Variants in DSCAM observed in about 807,000 individuals in gnomAD.
DSCAM encodes cell adhesion molecule DSCAM.
A neutral mutation model predicts 217.7 loss-of-function variants in DSCAM; 47 were observed. That is an observed-to-expected ratio of 0.22 (90% CI 0.17 to 0.28). DSCAM has a LOEUF of 0.28. DSCAM is among the 10% of genes least tolerant of loss of function. The pLI, the probability that DSCAM is intolerant of heterozygous loss-of-function variation, is 1.00. For missense variants in DSCAM, 2,080 were observed against 2,618.3 expected (o/e 0.79, Z 4.49); for synonymous variants, 1,056 against 1,015.3 (o/e 1.04, Z -0.76).
intron 11 of DSCAM, among the ~76,000 whole-genome samples, chr21:40,274,926 A>G (rs2073666795): frequency 6.6e-6 from 1 of 152,136 alleles, no homozygotes. Context: ...TACACACACA[A>G]ATACACACAC....
At chr21:40,787,761 C>T (rs140089830) in intron 1 of DSCAM, among the ~76,000 whole-genome samples, 70 of 152,238 alleles carry the variant, frequency 4.6e-4, no homozygotes, top group African/African-American at 1.7e-3. Flanking sequence ...AACATTCTAT[C>T]CATGTATAAA....
chr21:40,794,888 G>GA (rs5844043), intron 1 of DSCAM, among the ~76,000 whole-genome samples: 65,853 of 126,352 alleles, frequency 0.52, 16,622 homozygotes, highest in South Asian at 0.68. Context: ...TAGTCAAATT[G>GA]AAAAAAAAAA....
intron 3 of DSCAM, among the ~76,000 whole-genome samples, chr21:40,536,935 C>G (rs564756142): frequency 3.9e-5 from 6 of 152,332 alleles, no homozygotes; most frequent in African/African-American, 1.2e-4. Context: ...ATCCCCAGAA[C>G]AGGACTGCCT....
At chr21:40,405,551 C>G (rs562294061) in intron 3 of DSCAM, among the ~76,000 whole-genome samples, 32 of 152,274 alleles carry the variant, frequency 2.1e-4, no homozygotes, top group African/African-American at 6.5e-4. Flanking sequence ...AAATAACCAA[C>G]AGCATGAAGA....
intron 3 of DSCAM, among the ~76,000 whole-genome samples, chr21:40,578,715 G>C (rs990735031): frequency 4.6e-5 from 7 of 152,188 alleles, no homozygotes; most frequent in African/African-American, 1.7e-4. Flanking sequence ...GTGAGGGTCT[G>C]CGGCTTCACT....
chr21:40,039,340 TTGATTAAAGCTAC>T (rs933087201), intron 32 of DSCAM, among the ~76,000 whole-genome samples: 1 of 151,828 alleles, frequency 6.6e-6, no homozygotes, highest in Non-Finnish European at 1.5e-5. Context: ...ATAAGTCACT[TTGATTAAAGCTAC>T]TGAAAGTTGG....
At chr21:40,404,325 C>T (rs773460817) in intron 3 of DSCAM, among the ~76,000 whole-genome samples, 44 of 152,262 alleles carry the variant, frequency 2.9e-4, no homozygotes, top group Non-Finnish European at 5.0e-4. Flanking sequence ...AACCAAGAGG[C>T]GGTTGGAGAT....
intron 1 of DSCAM, among the ~76,000 whole-genome samples, chr21:40,793,693 G>A (rs2091666769): frequency 6.6e-6 from 1 of 152,068 alleles, no homozygotes; most frequent in Non-Finnish European, 1.5e-5. Context: ...GTTCCACCAT[G>A]TTGACCCCGC....
In DSCAM at chr21:40,632,648, C is replaced by G. The variant is rs561362172; in HGVS notation, c.508+60162G>C. The stretch of plus-strand genomic sequence containing the variant: ...TGCTTATTGGAATAACAAGATCACA[C>G]GACAGCACTGAAATTGCTTAGTCGG... On this transcript the variant is annotated intron_variant, in intron 3 of 32. Transcript: ENST00000400454. Among the ~76,000 whole-genome samples, 6 of 152,314 alleles carry G rather than the reference C, an allele frequency of 3.9e-5. No individual in the cohort carries two copies. The South Asian group carries it at 1.2e-3, about 32-fold the overall frequency.
chr21:40,600,396 G>A (rs1316508464), intron 3 of DSCAM, among the ~76,000 whole-genome samples: 3 of 152,002 alleles, frequency 2.0e-5, no homozygotes, highest in South Asian at 2.1e-4. Context: ...AGCTCTCTGG[G>A]GTCTTTATTA....
At chr21:40,766,056 T>C (rs1438075045) in intron 1 of DSCAM, among the ~76,000 whole-genome samples, 1 of 152,178 alleles carries the variant, frequency 6.6e-6, no homozygotes, top group Non-Finnish European at 1.5e-5. Flanking sequence ...CCTCTGGGAA[T>C]AAAACATTTT....
chr21:40,298,340 C>T lies in DSCAM; in HGVS notation c.2063-2166G>A, dbSNP rs138456153. On this transcript the variant is annotated intron_variant, in intron 9 of 32. Transcript: ENST00000400454. ...TCGTGATCCACCAGCCTCAGCCTCC[C>T]AAAGTGCTGGGATTACAGGCGTGAG... 8.6e-5 allele frequency among the ~76,000 whole-genome samples: 13 copies of T among 151,756 alleles called. 1 individual carries two copies. The East Asian group carries it at 2.5e-3, about 29-fold the overall frequency.
intron 3 of DSCAM, among the ~76,000 whole-genome samples, chr21:40,398,855 TG>T (rs2075206872): frequency 6.6e-6 from 1 of 152,274 alleles, no homozygotes; most frequent in Admixed American, 6.5e-5. Context: ...CCCAAAATGC[TG>T]GGATTACAGG....
intron 3 of DSCAM, among the ~76,000 whole-genome samples, chr21:40,526,942 T>A (rs914733547): frequency 3.9e-5 from 6 of 152,070 alleles, no homozygotes; most frequent in Non-Finnish European, 8.8e-5. Context: ...TCAAGGTGCT[T>A]CCCTGGCCTG....
rs116299746 is a variant in DSCAM, at chr21:40,698,123, C to T, written c.362-5167G>A. On this transcript the variant is annotated intron_variant, in intron 2 of 32. Coordinates refer to ENST00000400454, the MANE Select transcript of DSCAM (RefSeq NM_001389.5). ...AGAAGTTATTTAAAACTGAAATCAA[C>T]TTTACTTTGATTACACACACATGGC... Among the ~76,000 whole-genome samples, 1,101 of 152,242 alleles carry T rather than the reference C, an allele frequency of 7.2e-3. 12 individuals carry two copies. The highest frequency in any genetic ancestry group is 0.025 in the African/African-American group (1,037 of 41,532).
In DSCAM at chr21:40,189,982, T is replaced by C. The variant is rs115877291; in HGVS notation, c.2357-744A>G. On this transcript the variant is annotated intron_variant, in intron 11 of 32. Transcript: ENST00000400454. ...TTTTAGTCAACTTTAGGTGAATCCC[T>C]TGTTGCTGCTAACCAGTCCTTGTAA... 7.0e-3 allele frequency among the ~76,000 whole-genome samples: 1,063 copies of C among 152,340 alleles called. 17 individuals are homozygous for C. The highest frequency in any genetic ancestry group is 0.025 in the African/African-American group (1,024 of 41,584).
chr21:40,046,957 G>T (rs774627421), intron 30 of DSCAM, among the ~76,000 whole-genome samples: 1 of 151,958 alleles, frequency 6.6e-6, no homozygotes, highest in Admixed American at 6.6e-5. Context: ...CCATGGGAAA[G>T]TCGCACATGC....
chr21:40,752,254 T>C (rs201502707), intron 1 of DSCAM, among the ~76,000 whole-genome samples: 1 of 152,180 alleles, frequency 6.6e-6, no homozygotes, highest in African/African-American at 2.4e-5. Flanking sequence ...CTTTCTGCTG[T>C]AACCTCTTCT....
intron 20 of DSCAM, among the ~76,000 whole-genome samples, chr21:40,109,865 G>C (rs1462778758): frequency 6.6e-6 from 1 of 152,196 alleles, no homozygotes; most frequent in Non-Finnish European, 1.5e-5. Flanking sequence ...CAGTGAAGCT[G>C]GGGGAGGGGC....
Sources: gnomAD v4.1 joint callset for allele counts (sites outside exome capture counted in the v4.1 genomes callset) on GRCh38, gnomAD v4.1.1 for gene constraint, MANE v1.5 for transcripts, NCBI Gene and HGNC (gene_info 2026-07-23, HGNC 2026-07-21) for gene names.